Variants in NECTIN3 observed in about 807,000 individuals in gnomAD.
NECTIN3 encodes nectin cell adhesion molecule 3, also known as nectin-3.
NECTIN3 carries 8 observed loss-of-function variants against 49.4 expected under a neutral mutation model. The ratio of observed to expected loss-of-function variants is 0.16; its 90% CI spans 0.10 to 0.29. The LOEUF (loss-of-function observed/expected upper bound fraction) is 0.29, where lower values mean the gene tolerates loss of function less well. NECTIN3 is among the 10% of genes least tolerant of loss of function. The pLI is 1.00. For synonymous variants in NECTIN3, 277 were observed against 241.1 expected, an observed-to-expected ratio of 1.15 and a Z score of -1.38; for missense variants, 581 against 654.6, an observed-to-expected ratio of 0.89 and a Z score of 1.23.
At chr3:111,181,686 A>C (rs1303135603) in intron 7 of NECTIN3, among the ~76,000 whole-genome samples, 2 of 152,070 alleles carry the variant, frequency 1.3e-5, no homozygotes, top group African/African-American at 4.8e-5. Flanking sequence ...ATTTTTCATA[A>C]TACACTTTTT....
In NECTIN3 at chr3:111,135,721, C is replaced by A; in HGVS notation, c.*1506C>A. The A allele has an allele frequency of 1.0e-6, 1 of 958,950 alleles. No individual in the cohort carries two copies. The highest frequency in any genetic ancestry group is 1.2e-6 in the Non-Finnish European group (1 of 806,148). 59.4% of individuals were successfully genotyped at this position (958,950 alleles called of 1,614,324 possible). A position where few individuals can be genotyped will look rare whatever the true frequency, so the allele number is the denominator to read the frequency against. ...TCCCAACCAGCCCTTTCTCAATATTCATCAAATCTAAAACATTTAGGGGGC... is the reference window on the plus strand; with the variant it reads ...TCCCAACCAGCCCTTTCTCAATATTAATCAAATCTAAAACATTTAGGGGGC... On this transcript the variant is annotated 3_prime_UTR_variant, in exon 6 of 6. Coordinates refer to ENST00000485303, the MANE Select transcript of NECTIN3 (RefSeq NM_015480.3).
chr3:111,180,865 C>G (rs765063144), intron 7 of NECTIN3, among the ~76,000 whole-genome samples: 7 of 152,114 alleles, frequency 4.6e-5, no homozygotes, highest in Non-Finnish European at 1.0e-4. Context: ...TCAATGACTT[C>G]TCAGTTTACT....
At chr3:111,090,196 G>T (rs2032180978) in intron 1 of NECTIN3, among the ~76,000 whole-genome samples, 1 of 152,086 alleles carries the variant, frequency 6.6e-6, no homozygotes, top group Non-Finnish European at 1.5e-5. Flanking sequence ...ACTAGGGTTT[G>T]TCTTTTGTTT....
chr3:111,160,313 C>T (rs1487919906), intron 7 of NECTIN3, among the ~76,000 whole-genome samples: 1 of 152,072 alleles, frequency 6.6e-6, no homozygotes, highest in Non-Finnish European at 1.5e-5. Flanking sequence ...TTTGTTAACC[C>T]AATTGTGTTT....
chr3:111,142,925 AG>A (rs1230921163), intron 5 of NECTIN3, among the ~76,000 whole-genome samples: 3 of 151,916 alleles, frequency 2.0e-5, no homozygotes, highest in Non-Finnish European at 4.4e-5. Flanking sequence ...GAAGACCTTT[AG>A]AATAATTGGT....
chr3:111,178,089 C>T (rs2035563485), intron 7 of NECTIN3, among the ~76,000 whole-genome samples: 1 of 152,172 alleles, frequency 6.6e-6, no homozygotes, highest in Non-Finnish European at 1.5e-5. Context: ...AATGTATACT[C>T]AGTAGAAGTA....
At chr3:111,167,922 C>T (rs2035351919) in intron 7 of NECTIN3, among the ~76,000 whole-genome samples, 1 of 152,098 alleles carries the variant, frequency 6.6e-6, no homozygotes, top group Non-Finnish European at 1.5e-5. Context: ...GTGTTAGGCA[C>T]TCCATACAGG....
chr3:111,074,239 A>G (rs2031012184), intron 1 of NECTIN3: 1 of 456,300 alleles, frequency 2.2e-6, no homozygotes, highest in African/African-American at 2.0e-5. Flanking sequence ...ATGGAAGCAA[A>G]ATTTTCTTCA....
chr3:111,074,876 T>G (rs560532816), intron 1 of NECTIN3: 43 of 150,288 alleles, frequency 2.9e-4, no homozygotes, highest in African/African-American at 1.1e-3. Flanking sequence ...CTTCCCACCG[T>G]TTTTTTTTCA....
intron 1 of NECTIN3, among the ~76,000 whole-genome samples, chr3:111,091,873 C>T (rs2107394203): frequency 6.6e-6 from 1 of 152,270 alleles, no homozygotes; most frequent in South Asian, 2.1e-4. Flanking sequence ...TGAAGAACTA[C>T]CAAACTGTTT....
intron 7 of NECTIN3, among the ~76,000 whole-genome samples, chr3:111,166,043 AAAC>A (rs937083139): frequency 1.3e-5 from 2 of 152,172 alleles, no homozygotes; most frequent in African/African-American, 4.8e-5. Context: ...CAGGGATTTA[AAAC>A]AACAAGTTGA....
chr3:111,159,111 T>C (rs1166454984), intron 7 of NECTIN3, among the ~76,000 whole-genome samples: 3 of 152,228 alleles, frequency 2.0e-5, no homozygotes, highest in Non-Finnish European at 4.4e-5. Flanking sequence ...GCTTCCAGTT[T>C]ATCTTTTGTA....
At chr3:111,154,613 A>G (rs1221886473) in intron 7 of NECTIN3, among the ~76,000 whole-genome samples, 3 of 152,186 alleles carry the variant, frequency 2.0e-5, no homozygotes, top group Admixed American at 1.3e-4. Context: ...TTATGTTCCT[A>G]TGAGCCAAGT....
At chr3:111,137,875 T>TAC (rs1452407435), downstream of NECTIN3, among the ~76,000 whole-genome samples, 2 of 149,916 alleles carry the variant, frequency 1.3e-5, no homozygotes, top group East Asian at 4.0e-4. Context: ...GGTGGTTTAC[T>TAC]ACACAAACCC....
At position 111,118,727 on chromosome 3, in the gene NECTIN3, A is replaced by G. The variant is rs766539447; in HGVS notation, c.574A>G (p.Ile192Val). The change falls in exon 3 of 6, where the codon ATT becomes GTT. Residue 192 changes from isoleucine to valine, a missense_variant. Transcript: ENST00000485303. ...IDGGNETVAA[I>V]CIAATGKPVA... ...TGGAGGAAATGAAACAGTAGCAGCC[A>G]TTTGCATCGCAGCCACTGGAAAACC... 1.3e-5 allele frequency: 21 copies of G among 1,614,030 alleles called. No homozygotes were observed. The Admixed American group carries it at 2.8e-4, about 22-fold the overall frequency.
chr3:111,166,070 G>A (rs917040538), intron 7 of NECTIN3, among the ~76,000 whole-genome samples: 2 of 152,148 alleles, frequency 1.3e-5, no homozygotes, highest in African/African-American at 2.4e-5. Context: ...CTACATGCCC[G>A]AGGTCTGCTG....
At chr3:111,166,178 A>C (rs2035315672) in intron 7 of NECTIN3, among the ~76,000 whole-genome samples, 1 of 152,216 alleles carries the variant, frequency 6.6e-6, no homozygotes, top group Admixed American at 6.5e-5. Flanking sequence ...CAGAATGGGC[A>C]AAGGAAGGCT....
At chr3:111,159,149 C>T (rs997653507) in intron 7 of NECTIN3, among the ~76,000 whole-genome samples, 7 of 152,096 alleles carry the variant, frequency 4.6e-5, no homozygotes, top group African/African-American at 1.7e-4. Context: ...GCTTAGTTTA[C>T]ATAACAATTT....
chr3:111,142,674 T>C (rs2034777205), intron 5 of NECTIN3, among the ~76,000 whole-genome samples: 2 of 151,818 alleles, frequency 1.3e-5, no homozygotes, highest in African/African-American at 4.8e-5. Flanking sequence ...CAGATTATTG[T>C]TGAAGTTAAA....
Sources: allele counts gnomAD v4.1 joint callset (sites outside exome capture counted in the v4.1 genomes callset), GRCh38; gene constraint gnomAD v4.1.1; transcripts MANE v1.5; gene names NCBI Gene and HGNC (gene_info 2026-07-23, HGNC 2026-07-21).